Variants in CACNA1C observed in about 807,000 individuals in gnomAD.
The protein encoded by CACNA1C is calcium voltage-gated channel subunit alpha1 C, also known as voltage-dependent L-type calcium channel subunit alpha-1C.
In CACNA1C, 30 loss-of-function variants were observed where a neutral mutation model predicts 229.0. That is an observed-to-expected ratio of 0.13 (90% CI 0.10 to 0.18). The LOEUF is 0.18. Among genes scored for constraint, CACNA1C ranks in the 10% least tolerant of loss-of-function variants. The pLI, the probability that CACNA1C is intolerant of heterozygous loss-of-function variation, is 1.00. For missense variants in CACNA1C, 1,658 were observed against 2,845.0 expected, an observed-to-expected ratio of 0.58 and a Z score of 9.49; for synonymous variants, 1,114 against 1,132.5, an observed-to-expected ratio of 0.98 and a Z score of 0.33.
chr12:2,520,929 A>C (rs200404159), intron 9 of CACNA1C, among the ~76,000 whole-genome samples: 2 of 152,268 alleles, frequency 1.3e-5, no homozygotes, highest in Non-Finnish European at 2.9e-5. Flanking sequence ...GGAGACATTC[A>C]TAGCTTCCTG....
At chr12:2,353,580 C>G (rs2097268720) in intron 3 of CACNA1C, among the ~76,000 whole-genome samples, 1 of 152,194 alleles carries the variant, frequency 6.6e-6, no homozygotes, top group African/African-American at 2.4e-5. Flanking sequence ...CCGAAGGGCC[C>G]CATGGAGGAG....
At chr12:2,464,737 G>T (rs16929444) in intron 5 of CACNA1C, among the ~76,000 whole-genome samples, 1 of 152,216 alleles carries the variant, frequency 6.6e-6, no homozygotes, top group East Asian at 1.9e-4. Flanking sequence ...AAAACAGCTC[G>T]CTATTAAACG....
intron 3 of CACNA1C, among the ~76,000 whole-genome samples, chr12:2,417,247 G>A (rs1368503120): frequency 6.6e-6 from 1 of 152,218 alleles, no homozygotes. Flanking sequence ...GATGCGGGTT[G>A]TATCTGTGGC....
intron 3 of CACNA1C, among the ~76,000 whole-genome samples, chr12:2,446,492 G>T (rs528827459): frequency 6.9e-6 from 1 of 145,740 alleles, no homozygotes; most frequent in Non-Finnish European, 1.5e-5. Flanking sequence ...GGATGGGTGC[G>T]TCAGTGGGTG....
At chr12:2,442,407 A>G (rs942445138) in intron 3 of CACNA1C, among the ~76,000 whole-genome samples, 1 of 152,172 alleles carries the variant, frequency 6.6e-6, no homozygotes, top group African/African-American at 2.4e-5. Flanking sequence ...GAAGGAAGAA[A>G]GGGAGAAGAA....
chr12:2,541,879 T>A lies in CACNA1C; in HGVS notation c.1391-8064T>A, dbSNP rs1214066135. Among the ~76,000 whole-genome samples, 5 of 152,294 alleles carry A rather than the reference T, an allele frequency of 3.3e-5. No individual in the cohort carries two copies. The East Asian group carries it at 9.7e-4, about 29-fold the overall frequency. On this transcript the variant is annotated intron_variant, in intron 9 of 46. Transcript: ENST00000399655. ...TTTCATCTCGCCCCACATCCATCCC[T>A]CATTCTCTCATGTGGAGCTTTGCTC...
At chr12:2,645,985 C>T (rs920608830) in intron 30 of CACNA1C, among the ~76,000 whole-genome samples, 3 of 152,208 alleles carry the variant, frequency 2.0e-5, no homozygotes, top group Admixed American at 1.3e-4. Context: ...CTCATTCTTC[C>T]TCTTTCTACT....
At position 2,571,848 on chromosome 12, in the gene CACNA1C, C is replaced by T. The variant is rs143348373; in HGVS notation, c.1895+4054C>T. 1.2e-4 allele frequency among the ~76,000 whole-genome samples: 19 copies of T among 152,280 alleles called. No individual in the cohort carries two copies. In the East Asian group the frequency reaches 3.5e-3, roughly 28 times the overall value. On this transcript the variant is annotated intron_variant, in intron 13 of 46. Coordinates refer to ENST00000399655, the MANE Select transcript of CACNA1C (RefSeq NM_000719.7). Reference sequence around the variant, plus strand: ...CAGCGCCAGCCTTGGGACTGGGTGACAGTGACCAAGAAAAATGCCTAAAAT... The same window carrying T: ...CAGCGCCAGCCTTGGGACTGGGTGATAGTGACCAAGAAAAATGCCTAAAAT...
intron 5 of CACNA1C, among the ~76,000 whole-genome samples, chr12:2,474,769 AAAAG>A (rs1235206479): frequency 3.8e-4 from 57 of 151,726 alleles, no homozygotes; most frequent in African/African-American, 1.2e-3. Context: ...AAAAAAAAAA[AAAAG>A]AAAGAAAGAA....
intron 3 of CACNA1C, among the ~76,000 whole-genome samples, chr12:2,401,884 A>C (rs1252003440): frequency 6.6e-6 from 1 of 152,202 alleles, no homozygotes; most frequent in Non-Finnish European, 1.5e-5. Flanking sequence ...ACACATCCAC[A>C]ATGAGAAGGA....
rs2047804577 is a variant in CACNA1C at position 2,029,146 on chromosome 12, G to T, written c.139+57945G>T. Among the ~76,000 whole-genome samples, 2 of 152,148 alleles carry T rather than the reference G, an allele frequency of 1.3e-5. No homozygotes were observed. The highest frequency in any genetic ancestry group is 4.1e-4 in the South Asian group (2 of 4,824). ...AATGACTTGCTCAGTAATCTTAAGG[G>T]GCTTTTTCCAAAAGGGCAGGGGGCA... On this transcript the variant is annotated intron_variant, in intron 1 of 46. Coordinates refer to the CACNA1C transcript ENST00000682462. This position sits in a 1 kb window ranked among gnomAD's most constrained non-coding sequence, Gnocchi z 4.9.
At chr12:2,009,468 C>T (rs1388670048) in intron 1 of CACNA1C, among the ~76,000 whole-genome samples, 1 of 152,148 alleles carries the variant, frequency 6.6e-6, no homozygotes, top group Non-Finnish European at 1.5e-5. Flanking sequence ...ACACAGTCTG[C>T]TTTATTAGTA....
intron 3 of CACNA1C, among the ~76,000 whole-genome samples, chr12:2,242,030 G>T (rs543258606): frequency 6.6e-6 from 1 of 152,196 alleles, no homozygotes; most frequent in South Asian, 2.1e-4. Flanking sequence ...TCATTTCTTA[G>T]CTGTAAAGTC....
chr12:2,555,020 C>T (rs1014938283), intron 10 of CACNA1C, among the ~76,000 whole-genome samples: 4 of 152,186 alleles, frequency 2.6e-5, no homozygotes, highest in African/African-American at 9.7e-5. Context: ...AAGTGTGGTG[C>T]CCAGGCTTAT....
intron 1 of CACNA1C, chr12:1,993,199 T>A (rs759603743): frequency 5.0e-6 from 8 of 1,609,162 alleles, no homozygotes; most frequent in East Asian, 2.2e-5. Context: ...GCAAACACTG[T>A]ACAATTTTAA....
intron 1 of CACNA1C, among the ~76,000 whole-genome samples, chr12:2,031,318 T>A (rs1360222622): frequency 1.3e-5 from 2 of 152,178 alleles, no homozygotes; most frequent in African/African-American, 4.8e-5. Flanking sequence ...CAAGAGCTTG[T>A]TCACTCTTCT....
At chr12:2,187,014 C>G (rs112672187) in intron 3 of CACNA1C, among the ~76,000 whole-genome samples, 1 of 152,168 alleles carries the variant, frequency 6.6e-6, no homozygotes, top group Non-Finnish European at 1.5e-5. Context: ...CCTGCTGCCC[C>G]CTTGCCTGTC....
chr12:2,256,603 G>A (rs2077972774), intron 3 of CACNA1C, among the ~76,000 whole-genome samples: 1 of 152,162 alleles, frequency 6.6e-6, no homozygotes, highest in Non-Finnish European at 1.5e-5. Flanking sequence ...ATGACGAGAA[G>A]ATGGTGCAAG....
At chr12:2,014,274 CTT>C (rs34029133) in intron 1 of CACNA1C, among the ~76,000 whole-genome samples, 2,552 of 149,474 alleles carry the variant, frequency 0.017, 66 homozygotes, top group African/African-American at 0.056. Flanking sequence ...AAATAGGCAT[CTT>C]TTTTTTTTTT....
Sources: allele counts gnomAD v4.1 joint callset (sites outside exome capture counted in the v4.1 genomes callset), GRCh38; gene constraint gnomAD v4.1.1; non-coding constraint Gnocchi (gnomAD v3.1); transcripts MANE v1.5; gene names NCBI Gene and HGNC (gene_info 2026-07-23, HGNC 2026-07-21).